The following MROH1 variants were observed in gnomAD, a reference collection of about 807,000 sequenced individuals.
MROH1 encodes the protein maestro heat-like repeat-containing protein family member 1.
MROH1 carries 117 observed loss-of-function variants against 116.5 expected under a neutral mutation model. The observed-to-expected ratio is 1.00, with a 90% CI of 0.86 to 1.17. The LOEUF (loss-of-function observed/expected upper bound fraction) is 1.17. Among genes scored for constraint, MROH1 ranks in the 50% most tolerant of loss-of-function variants. The pLI is 0.00. For synonymous variants in MROH1, 921 were observed against 583.9 expected (o/e 1.58, Z -8.32); for missense variants, 1,873 against 1,338.5 (o/e 1.40, Z -6.23).
rs1842090825 is a variant in MROH1, at chr8:144,247,433, G to A, written c.3004G>A (p.Glu1002Lys). ...YSLLYLQLGY[E>K]GFSRDYRDDV... Reference sequence around the variant, plus strand: ...CCTGCTGTACCTCCAGCTCGGCTATGAGGGTGAGCCCTCGTCAGGAGTGTG... The same window carrying A: ...CCTGCTGTACCTCCAGCTCGGCTATAAGGGTGAGCCCTCGTCAGGAGTGTG... Residue 1002 changes from glutamate to lysine, a missense_variant, in exon 30 of 44, where the codon GAG (glutamate) becomes AAG (lysine). Coordinates refer to ENST00000326134, the MANE Select transcript of MROH1 (RefSeq NM_032450.3). The A allele has an allele frequency of 2.6e-6, 2 of 770,944 alleles. No homozygotes were observed. The highest frequency in any genetic ancestry group is 4.8e-6 in the Non-Finnish European group (2 of 413,504). 47.8% of individuals were successfully genotyped at this position (770,944 alleles called of 1,614,324 possible). A position where few individuals can be genotyped will look rare whatever the true frequency, so the allele number is the denominator to read the frequency against.
chr8:144,240,253 C>CGTG, intron 19 of MROH1, 100 bp downstream of exon 19: 1 of 646,186 alleles, frequency 1.5e-6, no homozygotes, highest in Admixed American at 2.5e-5. Flanking sequence ...GACCTCACCT[C>CGTG]GTGGTTTGGC....
intron 10 of MROH1, among the ~76,000 whole-genome samples, chr8:144,198,299 C>T (rs1361686518): frequency 1.3e-5 from 2 of 152,210 alleles, no homozygotes; most frequent in African/African-American, 4.8e-5. Flanking sequence ...TTTGCTGTGA[C>T]ACCTGCGAGT....
At position 144,180,097 on chromosome 8, in the gene MROH1, G is replaced by A. The variant is rs1825189105; in HGVS notation, c.301-81G>A. The A allele has an allele frequency of 1.9e-5, 29 of 1,552,142 alleles. No homozygotes were observed. Among genetic ancestry groups the A allele is most frequent in the East Asian group, 2.3e-5 (1 of 44,332 alleles). ...TCTGGGGACGCTGAAAACAGCGTGC[G>A]CTTGTCCAAGGCTGGCAGCGACTGA... On this transcript the variant is annotated intron_variant, in intron 5 of 43. Transcript: ENST00000326134. This position sits in a 1 kb window ranked among gnomAD's most constrained non-coding sequence, Gnocchi z 7.4.
Position 144,213,284 on chromosome 8 carries a change from A to G in MROH1, c.1142-7316A>G, listed in dbSNP as rs1039625602. 24 of 576,026 alleles carry G rather than the reference A, an allele frequency of 4.2e-5. No homozygotes were observed. The Admixed American group carries it at 4.6e-4, about 11-fold the overall frequency. 35.7% of individuals were successfully genotyped at this position (576,026 alleles called of 1,614,324 possible). On this transcript the variant is annotated intron_variant, in intron 12 of 43. Transcript: ENST00000326134. Reference sequence around the variant, plus strand: ...TCTGTAGGTTCCGTGGGAAGAGCTCATGGGAACATGATCTTCGACCTCATG... The same window carrying G: ...TCTGTAGGTTCCGTGGGAAGAGCTCGTGGGAACATGATCTTCGACCTCATG...
At chr8:144,186,054 T>C (rs1289906984) in intron 7 of MROH1, among the ~76,000 whole-genome samples, 3 of 151,498 alleles carry the variant, frequency 2.0e-5, no homozygotes, top group Non-Finnish European at 4.4e-5. Context: ...GGCTCCGCAG[T>C]GGGCTCTCTC....
intron 2 of MROH1, among the ~76,000 whole-genome samples, chr8:144,161,407 C>G (rs184229851): frequency 4.7e-4 from 72 of 152,268 alleles, no homozygotes; most frequent in African/African-American, 1.7e-3. Flanking sequence ...CTCTGGGCAG[C>G]GCTTTCTCTG....
chr8:144,233,237 T>G (rs1839284415), intron 14 of MROH1, among the ~76,000 whole-genome samples: 1 of 151,930 alleles, frequency 6.6e-6, no homozygotes, highest in South Asian at 2.1e-4. Flanking sequence ...TCATTCACAT[T>G]GTTGTGGAGC....
chr8:144,186,150 T>TCACTCTGTCACCCAGGCTGGAGTG, intron 7 of MROH1, among the ~76,000 whole-genome samples: 1 of 146,588 alleles, frequency 6.8e-6, no homozygotes, highest in Non-Finnish European at 1.5e-5. Flanking sequence ...AGACAGGGTC[T>TCACTCTGTCACCCAGGCTGGAGTG]CACTCTGTCA....
At position 144,238,874 on chromosome 8, in the gene MROH1, G is replaced by A. The variant is rs998430895; in HGVS notation, c.1446+11G>A. ...GACAGGATGAGTCACGTGAGTGCAC[G>A]GCACCCGTCCCTGCCTGGCGACAAC... On this transcript the variant is annotated intron_variant, in intron 15 of 43. Coordinates refer to ENST00000326134, the MANE Select transcript of MROH1 (RefSeq NM_032450.3). The A allele has an allele frequency of 7.4e-5, 57 of 772,016 alleles. No homozygotes were observed. The highest frequency in any genetic ancestry group is 9.4e-5 in the South Asian group (7 of 74,580). 47.8% of individuals were successfully genotyped at this position (772,016 alleles called of 1,614,324 possible). A position where few individuals can be genotyped will look rare whatever the true frequency, so the allele number is the denominator to read the frequency against.
chr8:144,244,647 C>G, intron 28 of MROH1, 108 bp downstream of exon 28: 3 of 696,930 alleles, frequency 4.3e-6, no homozygotes, highest in Non-Finnish European at 2.7e-6. Context: ...CAGTTTGGTG[C>G]TCTCTGCACT....
At chr8:144,173,098 CT>C (rs57999074) in intron 4 of MROH1, among the ~76,000 whole-genome samples, 6,940 of 130,292 alleles carry the variant, frequency 0.053, 527 homozygotes, top group African/African-American at 0.18. Context: ...AGTTATGGTA[CT>C]TTTTTTTTTT....
chr8:144,260,648 A>C, intron 39 of MROH1, 29 bp from the exon 40 acceptor site: 1 of 776,036 alleles, frequency 1.3e-6, no homozygotes, highest in Non-Finnish European at 2.4e-6. Flanking sequence ...ACAGCCTGTG[A>C]GGAGACGTAT....
chr8:144,247,808 G>A, intron 31 of MROH1, 129 bp downstream of exon 31: 1 of 686,420 alleles, frequency 1.5e-6, no homozygotes, highest in Non-Finnish European at 2.7e-6. Context: ...GCATGAGCAG[G>A]GCCTGGGTGT....
At chr8:144,257,658 C>T (rs1350192435) in intron 35 of MROH1, among the ~76,000 whole-genome samples, 2 of 152,234 alleles carry the variant, frequency 1.3e-5, no homozygotes, top group African/African-American at 4.8e-5. Flanking sequence ...TGGCCCCCAG[C>T]TTGGCGGGGC....
intron 4 of MROH1, among the ~76,000 whole-genome samples, chr8:144,174,239 C>T (rs565941896): frequency 6.6e-6 from 1 of 152,140 alleles, no homozygotes; most frequent in East Asian, 1.9e-4. Flanking sequence ...GACAGGAAGA[C>T]AGGCTCTCAA....
At position 144,199,130 on chromosome 8, in the gene MROH1, G is replaced by C; in HGVS notation, c.957G>C (p.Val319=). Residue 319 remains valine, a synonymous_variant, in exon 11 of 44, where the codon GTG becomes GTC. Transcript: ENST00000326134. The stretch of plus-strand genomic sequence containing the variant: ...CCCCGTTCCTGGAGCAGATCTGTGT[G>C]CCTGTGGAGTCCTCAAGCCCCCTGG... The part of the protein sequence containing the change: ...LLAALHSQIC[V]PVESSSPLVM... The C allele has an allele frequency of 6.2e-7, 1 of 1,613,690 alleles. No homozygotes were observed. The highest frequency in any genetic ancestry group is 8.5e-7 in the Non-Finnish European group (1 of 1,179,780).
intron 14 of MROH1, among the ~76,000 whole-genome samples, chr8:144,227,121 C>G (rs1053797281): frequency 6.6e-6 from 1 of 152,216 alleles, no homozygotes; most frequent in Non-Finnish European, 1.5e-5. Flanking sequence ...GACCATGTAT[C>G]CTGTGGCTTT....
intron 12 of MROH1, among the ~76,000 whole-genome samples, chr8:144,205,531 C>CAA (rs1832637202): frequency 6.6e-6 from 1 of 151,170 alleles, no homozygotes; most frequent in African/African-American, 2.4e-5. Context: ...CACACACACA[C>CAA]ACACACGCAT....
intron 12 of MROH1, among the ~76,000 whole-genome samples, chr8:144,202,263 G>C (rs1564463541): frequency 6.6e-6 from 1 of 151,816 alleles, no homozygotes; most frequent in Admixed American, 6.6e-5. Context: ...GTCTGTGGAG[G>C]GGCGGGGAGG....
Sources: allele counts gnomAD v4.1 joint callset (sites outside exome capture counted in the v4.1 genomes callset), GRCh38; gene constraint gnomAD v4.1.1; non-coding constraint Gnocchi (gnomAD v3.1); transcripts MANE v1.5; gene names NCBI Gene and HGNC (gene_info 2026-07-23, HGNC 2026-07-21).